The following UGP2 variants were observed in gnomAD, a reference collection of about 807,000 sequenced individuals.
The protein encoded by UGP2 is UTP--glucose-1-phosphate uridylyltransferase.
UGP2 carries 40 observed loss-of-function variants against 49.0 expected under a neutral mutation model. The observed-to-expected ratio is 0.82, with a 90% CI of 0.63 to 1.06. UGP2 has a LOEUF of 1.06. Ranked by LOEUF, UGP2 falls within the 50% of genes least tolerant of loss-of-function variation. UGP2 has a pLI of 0.00. For missense variants in UGP2, 460 were observed against 603.5 expected (o/e 0.76, Z 2.49); for synonymous variants, 225 against 213.0 (o/e 1.06, Z -0.49).
chr2:63,873,485 T>TCAGAC (rs1490463954), intron 3 of UGP2, among the ~76,000 whole-genome samples: 2 of 152,164 alleles, frequency 1.3e-5, no homozygotes, highest in Non-Finnish European at 2.9e-5. Context: ...CATTTTGTTT[T>TCAGAC]TTTGGGGGTG....
At chr2:63,862,588 G>A (rs1160023358) in intron 3 of UGP2, among the ~76,000 whole-genome samples, 2 of 152,066 alleles carry the variant, frequency 1.3e-5, no homozygotes, top group Non-Finnish European at 2.9e-5. Flanking sequence ...TTTAATGGCA[G>A]TTACATATTT....
chr2:63,887,359 C>T (rs1014630729), intron 7 of UGP2, 43 bp from the exon 8 acceptor site: 2 of 1,610,694 alleles, frequency 1.2e-6, no homozygotes. Context: ...TTGTAGGTGC[C>T]TAAAACCTCT....
intron 3 of UGP2, among the ~76,000 whole-genome samples, chr2:63,865,328 G>A (rs1414472826): frequency 6.6e-6 from 1 of 152,190 alleles, no homozygotes; most frequent in South Asian, 2.1e-4. Flanking sequence ...GCTGCCTAGA[G>A]GGCTGAAGGA....
chr2:63,884,163 CAG>C (rs1671505058), intron 5 of UGP2, 70 bp downstream of exon 5: 5 of 1,567,206 alleles, frequency 3.2e-6, no homozygotes, highest in South Asian at 2.3e-5. Flanking sequence ...TTGTTTATAA[CAG>C]AGCAGTTTCA....
rs115758596 is a variant in UGP2 at position 63,862,739 on chromosome 2, T to A, written c.255+4803T>A. Reference sequence around the variant, plus strand: ...GTGGGTTTAGGTGGTAATACTACTATTTGAACATTGCCAGTCCCTCCAATT... The same window carrying A: ...GTGGGTTTAGGTGGTAATACTACTAATTGAACATTGCCAGTCCCTCCAATT... On this transcript the variant is annotated intron_variant, in intron 3 of 9. Transcript: ENST00000337130. The A allele has an allele frequency of 1.3e-3, 595 of 448,690 alleles. 5 individuals are homozygous for A. Among genetic ancestry groups the A allele is most frequent in the African/African-American group, 0.011 (547 of 49,562 alleles). 27.8% of individuals were successfully genotyped at this position (448,690 alleles called of 1,614,324 possible).
At position 63,884,243 on chromosome 2, in the gene UGP2, A is replaced by G. The variant is rs1671509824; in HGVS notation, c.575+150A>G. The G allele has an allele frequency of 4.4e-6, 4 of 919,198 alleles. No individual in the cohort carries two copies. In the African/African-American group the frequency reaches 6.8e-5, roughly 16 times the overall value. 56.9% of individuals were successfully genotyped at this position (919,198 alleles called of 1,614,324 possible). On this transcript the variant is annotated intron_variant, in intron 5 of 9. Coordinates refer to ENST00000337130, the MANE Select transcript of UGP2 (RefSeq NM_006759.4). ...GCCCATAAAAGCTGAGCATTTGTTG[A>G]TATGTGATTGTTATAATCACTCTGG...
In UGP2 at chr2:63,857,893, C is replaced by T; in HGVS notation, c.212C>T (p.Pro71Leu). ...CATAGATTTTTGCAAGAAAAGGGGC[C>T]TTCTGTGGATTGGGGAAAAATCCAG... is the stretch of plus-strand genomic sequence containing the variant. ...LFHRFLQEKG[P>L]SVDWGKIQRP... Residue 71 changes from proline to leucine, a missense_variant, in exon 3 of 10, where the codon CCT becomes CTT. Pro to Leu is a moderately conservative substitution (Grantham distance 98, BLOSUM62 -3). This residue lies in a region of UGP2 where 143 missense variants were observed against 130.4 expected (regional missense o/e 1.10). Transcript: ENST00000337130. The T allele has an allele frequency of 6.2e-7, 1 of 1,614,056 alleles. No individual in the cohort carries two copies. The highest frequency in any genetic ancestry group is 8.5e-7 in the Non-Finnish European group (1 of 1,179,982).
At chr2:63,880,857 T>A (rs1444061840) in intron 3 of UGP2, among the ~76,000 whole-genome samples, 1 of 152,132 alleles carries the variant, frequency 6.6e-6, no homozygotes, top group Non-Finnish European at 1.5e-5. Context: ...TCATTTCACA[T>A]CCCAATATTT....
At chr2:63,863,902 G>C (rs990152916) in intron 3 of UGP2, among the ~76,000 whole-genome samples, 2 of 152,192 alleles carry the variant, frequency 1.3e-5, no homozygotes, top group Non-Finnish European at 2.9e-5. Flanking sequence ...ATTAAATACA[G>C]ATTTCTATTT....
At chr2:63,851,069 A>G (rs1558934178) in intron 1 of UGP2, among the ~76,000 whole-genome samples, 2 of 152,224 alleles carry the variant, frequency 1.3e-5, no homozygotes, top group Non-Finnish European at 2.9e-5. Context: ...GAGAGGTACA[A>G]GGATCTAGCA....
intron 1 of UGP2, chr2:63,842,561 G>C: frequency 2.0e-6 from 3 of 1,508,664 alleles, no homozygotes; most frequent in Non-Finnish European, 2.7e-6. Context: ...GCACGCAGAC[G>C]GGAAGGGCTG....
At chr2:63,889,216 A>C (rs993840744) in intron 8 of UGP2, 1 of 152,188 alleles carries the variant, frequency 6.6e-6, no homozygotes, top group Non-Finnish European at 1.5e-5. Context: ...GGAGATATGA[A>C]TATCGAAAAC....
At chr2:63,850,887 T>C (rs1455022509) in intron 1 of UGP2, among the ~76,000 whole-genome samples, 1 of 152,206 alleles carries the variant, frequency 6.6e-6, no homozygotes, top group African/African-American at 2.4e-5. Flanking sequence ...TGGATCATAA[T>C]AGGCTCTTAC....
intron 3 of UGP2, among the ~76,000 whole-genome samples, chr2:63,876,754 C>T (rs1189124222): frequency 6.6e-6 from 1 of 152,182 alleles, no homozygotes; most frequent in African/African-American, 2.4e-5. Flanking sequence ...GTACATAAGT[C>T]TCTGTATTGT....
chr2:63,841,962 C>G lies in UGP2; in HGVS notation c.-224C>G. On this transcript the variant is annotated 5_prime_UTR_variant, in exon 1 of 10. Transcript: ENST00000337130. ...AGTTCCCAAACCGACTCAGTCGCAC[C>G]AAGTTTCCGTCTTTTGGAATTGGGG... The G allele has an allele frequency of 2.0e-6, 1 of 502,876 alleles. No homozygotes were observed. The highest frequency in any genetic ancestry group is 3.2e-6 in the Non-Finnish European group (1 of 308,522). The allele number at this position is 502,876 out of a possible 1,614,324, so 31.2% of individuals were successfully genotyped here.
At chr2:63,851,402 G>T (rs1382137872) in intron 1 of UGP2, among the ~76,000 whole-genome samples, 1 of 152,154 alleles carries the variant, frequency 6.6e-6, no homozygotes, top group African/African-American at 2.4e-5. Context: ...AGACAGGAGT[G>T]ATTAAAACTC....
At chr2:63,873,775 T>C (rs1248405327) in intron 3 of UGP2, among the ~76,000 whole-genome samples, 1 of 152,128 alleles carries the variant, frequency 6.6e-6, no homozygotes, top group Non-Finnish European at 1.5e-5. Flanking sequence ...TTGCAAACCC[T>C]ATCTTCCGCT....
At chr2:63,855,612 C>T (rs527466728) in intron 1 of UGP2, 4 of 402,390 alleles carry the variant, frequency 9.9e-6, no homozygotes, top group South Asian at 7.0e-5. Flanking sequence ...CGCGATCTCG[C>T]CTCACTGCAG....
intron 1 of UGP2, among the ~76,000 whole-genome samples, chr2:63,853,613 G>C (rs1461848801): frequency 2.0e-5 from 3 of 152,130 alleles, no homozygotes; most frequent in Middle Eastern, 3.2e-3. Context: ...TTTTTCCATG[G>C]CCTGTGCATT....
Sources: gnomAD v4.1 joint callset for allele counts (sites outside exome capture counted in the v4.1 genomes callset) on GRCh38, gnomAD v4.1.1 for gene constraint, gnomAD v4.1.1 regional missense constraint, MANE v1.5 for transcripts, NCBI Gene and HGNC (gene_info 2026-07-23, HGNC 2026-07-21) for gene names.